The following SVOPL variants were observed in gnomAD, a reference collection of about 807,000 sequenced individuals.
The protein encoded by SVOPL is SVOP like.
A neutral mutation model predicts 61.0 loss-of-function variants in SVOPL; 60 were observed. The ratio of observed to expected loss-of-function variants is 0.98; its 90% CI spans 0.80 to 1.22. The LOEUF (loss-of-function observed/expected upper bound fraction) is 1.22, where lower values mean the gene tolerates loss of function less well. Among genes scored for constraint, SVOPL ranks in the 50% most tolerant of loss-of-function variants. The probability of loss-of-function intolerance (pLI) is 0.00; values close to 1 mark genes in which losing one functional copy is unlikely to be tolerated. For missense variants in SVOPL, 662 were observed against 643.9 expected (o/e 1.03, Z -0.30); for synonymous variants, 279 against 250.0 (o/e 1.12, Z -1.09).
chr7:138,652,614 TTC>T (rs1340180548), intron 7 of SVOPL, among the ~76,000 whole-genome samples: 1 of 50,020 alleles, frequency 2.0e-5, no homozygotes, highest in Non-Finnish European at 4.8e-5. Flanking sequence ...AAAGGAAAAG[TTC>T]TTTTTTTTTT....
rs1388740082 is a variant in SVOPL, at chr7:138,644,654, C to T, written c.789+63G>A. 22 of 1,588,818 alleles carry T rather than the reference C, an allele frequency of 1.4e-5. No homozygotes were observed. The South Asian group carries it at 1.8e-4, about 13-fold the overall frequency. On this transcript the variant is annotated intron_variant, in intron 9 of 15. Coordinates refer to ENST00000674285, the MANE Select transcript of SVOPL (RefSeq NM_001139456.2). Reference sequence around the variant, plus strand: ...GGTCCCCCCTCCCTCCAGCCTTCCACAACTGAGGGGATTTCCCAGTGGCCA... The same window carrying T: ...GGTCCCCCCTCCCTCCAGCCTTCCATAACTGAGGGGATTTCCCAGTGGCCA...
chr7:138,654,770 G>A (rs1424159937), intron 7 of SVOPL, among the ~76,000 whole-genome samples: 1 of 151,750 alleles, frequency 6.6e-6, no homozygotes, highest in East Asian at 1.9e-4. Flanking sequence ...GCTGAGGCAG[G>A]AGAATAGCCA....
chr7:138,674,717 G>A (rs6956608), intron 3 of SVOPL, among the ~76,000 whole-genome samples: 4,226 of 152,126 alleles, frequency 0.028, 203 homozygotes, highest in African/African-American at 0.097. Context: ...TTAGCTGGGC[G>A]TGGTGGCAGG....
Position 138,661,683 on chromosome 7 carries a change from C to T in SVOPL, c.345+1391G>A, listed in dbSNP as rs73730413. ...CAGCTGATAGCATACCTTATTTTAA[C>T]GAACCAATGTAAATTATTAGTAAAT... On this transcript the variant is annotated intron_variant, in intron 5 of 15. Transcript: ENST00000674285. 12,529 of 911,566 alleles carry T rather than the reference C, an allele frequency of 0.014. 681 individuals are homozygous for T. The East Asian group carries it at 0.22, about 16-fold the overall frequency. 56.5% of individuals were successfully genotyped at this position (911,566 alleles called of 1,614,324 possible). A position where few individuals can be genotyped will look rare whatever the true frequency, so the allele number is the denominator to read the frequency against.
chr7:138,634,721 T>G (rs1800384870), intron 9 of SVOPL, among the ~76,000 whole-genome samples: 1 of 150,004 alleles, frequency 6.7e-6, no homozygotes, highest in Non-Finnish European at 1.5e-5. Flanking sequence ...CCAACTACTT[T>G]GGAGGCTGAG....
intron 13 of SVOPL, among the ~76,000 whole-genome samples, chr7:138,622,054 GTATC>G (rs1799632468): frequency 3.3e-4 from 7 of 21,050 alleles, no homozygotes; most frequent in Admixed American, 1.3e-3. Context: ...ATCTATCTAT[GTATC>G]TATCTATCTA....
At chr7:138,691,119 T>C (rs1265630976) in intron 1 of SVOPL, among the ~76,000 whole-genome samples, 1 of 152,208 alleles carries the variant, frequency 6.6e-6, no homozygotes, top group Non-Finnish European at 1.5e-5. Flanking sequence ...AGGTGGATTA[T>C]GTCAATTATA....
At chr7:138,691,765 T>A (rs1001969619) in intron 1 of SVOPL, among the ~76,000 whole-genome samples, 4 of 152,102 alleles carry the variant, frequency 2.6e-5, no homozygotes, top group Admixed American at 2.6e-4. Context: ...GATCTCGAAC[T>A]CCTGACCTCA....
At chr7:138,692,778 A>G (rs1802971358) in intron 1 of SVOPL, among the ~76,000 whole-genome samples, 1 of 152,202 alleles carries the variant, frequency 6.6e-6, no homozygotes, top group Non-Finnish European at 1.5e-5. Context: ...ATTCATTTTC[A>G]GGTTCACAGT....
intron 5 of SVOPL, 75 bp downstream of exon 5, chr7:138,662,999 A>G (rs1297168849): frequency 1.2e-6 from 2 of 1,604,574 alleles, no homozygotes; most frequent in Admixed American, 3.4e-5. Flanking sequence ...CCTACTAAAG[A>G]GAAACAGTGA....
At chr7:138,677,794 G>C (rs1022160833) in intron 3 of SVOPL, among the ~76,000 whole-genome samples, 1 of 134,166 alleles carries the variant, frequency 7.5e-6, no homozygotes, top group Non-Finnish European at 1.5e-5. Flanking sequence ...ACGCAGTCTC[G>C]CTCTGTCATT....
intron 6 of SVOPL, among the ~76,000 whole-genome samples, chr7:138,657,134 GTTTATTTATTTA>G (rs147009662): frequency 0.23 from 34,274 of 147,030 alleles, 5,662 homozygotes; most frequent in African/African-American, 0.46. Flanking sequence ...TTTCTTATTT[GTTTATTTATTTA>G]TTTATTTATT....
At chr7:138,661,577 G>A in intron 5 of SVOPL, 1 of 985,168 alleles carries the variant, frequency 1.0e-6, no homozygotes, top group Non-Finnish European at 1.2e-6. Flanking sequence ...TACCTAAAAG[G>A]TTACCGCAAG....
At position 138,693,564 on chromosome 7, in the gene SVOPL, A is replaced by AGAAAGAAAGAAAGAAAAAAG. The variant is rs1563140853; in HGVS notation, c.-35+7613_-35+7614insCTTTTTTCTTTCTTTCTTTC. Among the ~76,000 whole-genome samples, 647 of 91,206 alleles carry AGAAAGAAAGAAAGAAAAAAG rather than the reference A, an allele frequency of 7.1e-3. 7 individuals are homozygous for AGAAAGAAAGAAAGAAAAAAG. The highest frequency in any genetic ancestry group is 0.031 in the African/African-American group (615 of 20,054). 59.8% of individuals were successfully genotyped at this position (91,206 alleles called of 152,430 possible). ...AAGAAAGAAAGAAAGAAAGAAAGAAAGAAAGAAAGAAAAAAGGAAAGAAAG... is the reference window on the plus strand; with the variant it reads ...AAGAAAGAAAGAAAGAAAGAAAGAAAGAAAGAAAGAAAGAAAAAAGGAAAGAAAGAAAAAAGGAAAGAAAG... On this transcript the variant is annotated intron_variant, in intron 1 of 15. Transcript: ENST00000674285.
At chr7:138,651,709 G>A (rs965790481) in intron 7 of SVOPL, among the ~76,000 whole-genome samples, 2 of 152,040 alleles carry the variant, frequency 1.3e-5, no homozygotes, top group African/African-American at 2.4e-5. Context: ...TGGGGGCACC[G>A]CAAACTGCAC....
chr7:138,674,764 G>C (rs1016138717), intron 3 of SVOPL, among the ~76,000 whole-genome samples: 4 of 151,838 alleles, frequency 2.6e-5, no homozygotes, highest in Non-Finnish European at 5.9e-5. Context: ...GCTGAAGCAG[G>C]AGAATGGCGT....
chr7:138,609,489 C>CA (rs35516590), intron 14 of SVOPL, among the ~76,000 whole-genome samples: 2,196 of 48,282 alleles, frequency 0.045, 57 homozygotes, highest in African/African-American at 0.095. Flanking sequence ...ACCACCTCTA[C>CA]AAAAAAAAAA....
chr7:138,689,597 G>A, intron 1 of SVOPL: 1 of 428,634 alleles, frequency 2.3e-6, no homozygotes, highest in Non-Finnish European at 4.2e-6. Context: ...TGGTGGCTCT[G>A]CCTGTAATCC....
At chr7:138,643,262 T>C (rs1800923498) in intron 9 of SVOPL, among the ~76,000 whole-genome samples, 1 of 151,618 alleles carries the variant, frequency 6.6e-6, no homozygotes, top group African/African-American at 2.4e-5. Context: ...CCGTCTCTAC[T>C]AAAAATACAA....
Sources: allele counts gnomAD v4.1 joint callset (sites outside exome capture counted in the v4.1 genomes callset), GRCh38; gene constraint gnomAD v4.1.1; transcripts MANE v1.5; gene names NCBI Gene and HGNC (gene_info 2026-07-23, HGNC 2026-07-21).